The following PRRC2B variants were observed in gnomAD, a reference collection of about 807,000 sequenced individuals.
The protein encoded by PRRC2B is protein PRRC2B.
In PRRC2B, 68 loss-of-function variants were observed where a neutral mutation model predicts 242.3. The ratio of observed to expected loss-of-function variants is 0.28; its 90% CI spans 0.23 to 0.34. The LOEUF is 0.34. Ranked by LOEUF, PRRC2B falls within the 10% of genes least tolerant of loss-of-function variation. The pLI is 1.00. For missense variants in PRRC2B, 2,835 were observed against 2,954.8 expected, an observed-to-expected ratio of 0.96 and a Z score of 0.94; for synonymous variants, 1,228 against 1,173.6, an observed-to-expected ratio of 1.05 and a Z score of -0.95.
intron 1 of PRRC2B, among the ~76,000 whole-genome samples, chr9:131,378,490 T>C (rs1444970945): frequency 1.3e-5 from 2 of 152,074 alleles, no homozygotes; most frequent in Non-Finnish European, 2.9e-5. Flanking sequence ...TTGGGCTTCC[T>C]TGGACTATGT....
chr9:131,432,163 C>T (rs1270301093), intron 2 of PRRC2B, among the ~76,000 whole-genome samples: 1 of 152,120 alleles, frequency 6.6e-6, no homozygotes, highest in Admixed American at 6.5e-5. Context: ...CTTGTTGATC[C>T]TTTTCACACC....
chr9:131,447,674 G>T lies in PRRC2B; in HGVS notation c.990G>T (p.Arg330Ser), dbSNP rs772381337. The change falls in exon 9 of 32, where the codon AGG (arginine) becomes AGT (serine). Residue 330 changes from arginine to serine, a missense_variant. Arg to Ser is a moderately radical substitution (Grantham distance 110). Around this residue, in one of 7 missense-constraint regions of PRRC2B, gnomAD observed 626 missense variants for 685.5 expected, o/e 0.91. Transcript: ENST00000683519. Reference protein sequence around the residue: ...QMNDQDGKENRLGLSRPLRPL... With the variant: ...QMNDQDGKENSLGLSRPLRPL... ...TTTCTTTTATCAGAAAAGAAAACAG[G>T]CTGGGATTGTCTCGCCCACTCCGCC... is the stretch of plus-strand genomic sequence containing the variant. 6.2e-7 allele frequency: 1 copy of T among 1,603,802 alleles called. No homozygotes were observed. Among genetic ancestry groups the T allele is most frequent in the Non-Finnish European group, 8.5e-7 (1 of 1,173,738 alleles).
At chr9:131,442,979 T>C (rs1838651602) in intron 5 of PRRC2B, among the ~76,000 whole-genome samples, 1 of 152,178 alleles carries the variant, frequency 6.6e-6, no homozygotes, top group South Asian at 2.1e-4. Context: ...TGTTTGGCCT[T>C]GTAGGGCTCA....
intron 1 of PRRC2B, among the ~76,000 whole-genome samples, chr9:131,386,314 C>T (rs369534991): frequency 4.0e-5 from 6 of 150,148 alleles, no homozygotes; most frequent in African/African-American, 1.5e-4. Context: ...GGGCATCTCA[C>T]TGTTGCCTAT....
intron 1 of PRRC2B, among the ~76,000 whole-genome samples, chr9:131,377,637 G>C (rs550737520): frequency 1.2e-4 from 18 of 152,164 alleles, no homozygotes; most frequent in African/African-American, 4.3e-4. Context: ...ACAGTGCCCA[G>C]GTCCTGGGAC....
intron 8 of PRRC2B, 118 bp from the exon 9 acceptor site, chr9:131,447,544 A>T: frequency 9.3e-7 from 1 of 1,071,138 alleles, no homozygotes; most frequent in East Asian, 2.6e-5. Flanking sequence ...AAAGGAACTG[A>T]TAGAAATAAT....
intron 25 of PRRC2B, 58 bp downstream of exon 25, chr9:131,485,198 C>A: frequency 1.5e-6 from 2 of 1,375,776 alleles, no homozygotes; most frequent in Non-Finnish European, 2.0e-6. Context: ...TCAAGAAAAA[C>A]GGATTAACAG....
intron 1 of PRRC2B, among the ~76,000 whole-genome samples, chr9:131,411,019 G>A (rs1837493236): frequency 6.6e-6 from 1 of 152,152 alleles, no homozygotes; most frequent in Admixed American, 6.5e-5. Context: ...ACTCTGGGAG[G>A]CCGAGGAGGG....
In PRRC2B at chr9:131,475,040, A is replaced by C. The variant is rs578168304; in HGVS notation, c.2911A>C (p.Thr971Pro). ...KIKQELGEES[T>P]RLAKEKEQSP... ...TAAGCAGGAGCTAGGGGAGGAGAGT[A>C]CCCGGCTGGCCAAGGAGAAGGAGCA... is the stretch of plus-strand genomic sequence containing the variant. Residue 971 changes from threonine (T) to proline (P), a missense_variant, in exon 16 of 32, where the codon ACC (threonine) becomes CCC (proline). By Grantham distance (38) the Thr-to-Pro change is conservative. Transcript: ENST00000683519. 29 of 1,607,982 alleles carry C rather than the reference A, an allele frequency of 1.8e-5. No individual in the cohort carries two copies. Among genetic ancestry groups the C allele is most frequent in the Admixed American group, 6.7e-5 (4 of 59,302 alleles).
intron 11 of PRRC2B, among the ~76,000 whole-genome samples, chr9:131,463,941 CTTT>C (rs112198206): frequency 7.1e-6 from 1 of 140,632 alleles, no homozygotes; most frequent in African/African-American, 2.6e-5. Flanking sequence ...GCTAGACATG[CTTT>C]TTTTTTTTTT....
intron 11 of PRRC2B, among the ~76,000 whole-genome samples, chr9:131,460,296 T>G (rs1370639590): frequency 6.6e-6 from 1 of 152,236 alleles, no homozygotes; most frequent in East Asian, 1.9e-4. Context: ...TAGCCTTCTT[T>G]ATCTGGATCA....
chr9:131,413,811 A>G (rs936281380), intron 1 of PRRC2B, among the ~76,000 whole-genome samples: 2 of 152,162 alleles, frequency 1.3e-5, no homozygotes, highest in Non-Finnish European at 2.9e-5. Flanking sequence ...ACCTGGGACT[A>G]TAGGCGCACA....
intron 1 of PRRC2B, among the ~76,000 whole-genome samples, chr9:131,381,655 G>A (rs1169678760): frequency 6.6e-6 from 1 of 151,798 alleles, no homozygotes; most frequent in Non-Finnish European, 1.5e-5. Flanking sequence ...TCCTGACCTC[G>A]TGATCTGCCT....
intron 9 of PRRC2B, among the ~76,000 whole-genome samples, chr9:131,449,632 C>A (rs1405545282): frequency 6.6e-6 from 1 of 152,142 alleles, no homozygotes; most frequent in Non-Finnish European, 1.5e-5. Flanking sequence ...GGTACCAGCC[C>A]AGGATACAAA....
intron 1 of PRRC2B, among the ~76,000 whole-genome samples, chr9:131,409,526 G>A (rs983933296): frequency 5.3e-5 from 8 of 152,236 alleles, no homozygotes; most frequent in East Asian, 1.9e-4. Context: ...ATGTGTATTA[G>A]TAACATGTAT....
chr9:131,390,079 T>TA (rs1836880286), upstream of PRRC2B, among the ~76,000 whole-genome samples: 3 of 149,086 alleles, frequency 2.0e-5, no homozygotes, highest in East Asian at 2.0e-4. Flanking sequence ...CACGCCTGGC[T>TA]AGTTTTTGTA....
chr9:131,491,375 G>A (rs1430839216), intron 28 of PRRC2B, 50 bp from the exon 29 acceptor site: 1 of 1,520,770 alleles, frequency 6.6e-7, no homozygotes, highest in Non-Finnish European at 8.8e-7. Flanking sequence ...TGCGTTTGGG[G>A]TTTCTCCATA....
chr9:131,493,303 C>T (rs369977243), intron 30 of PRRC2B, among the ~76,000 whole-genome samples: 1 of 152,186 alleles, frequency 6.6e-6, no homozygotes, highest in African/African-American at 2.4e-5. Context: ...GTTTTTAGTA[C>T]GTTTCGTTTT....
intron 1 of PRRC2B, among the ~76,000 whole-genome samples, chr9:131,382,043 G>T (rs551237108): frequency 6.6e-6 from 1 of 151,954 alleles, no homozygotes; most frequent in South Asian, 2.1e-4. Flanking sequence ...TGAAGACTGA[G>T]TCTCACTCTG....
Sources: gnomAD v4.1 joint callset for allele counts (sites outside exome capture counted in the v4.1 genomes callset) on GRCh38, gnomAD v4.1.1 for gene constraint, gnomAD v4.1.1 regional missense constraint, MANE v1.5 for transcripts, NCBI Gene and HGNC (gene_info 2026-07-23, HGNC 2026-07-21) for gene names.